The following CSMD1 variants were observed in gnomAD, a reference collection of about 807,000 sequenced individuals.
The protein encoded by CSMD1 is CUB and Sushi multiple domains 1, also known as CUB and sushi domain-containing protein 1.
Under a neutral mutation model 417.5 loss-of-function variants are expected in CSMD1, and 213 were observed. The observed-to-expected ratio is 0.51, with a 90% CI of 0.46 to 0.57. CSMD1 has a LOEUF of 0.57. Among genes scored for constraint, CSMD1 ranks in the 20% least tolerant of loss-of-function variants. The probability of loss-of-function intolerance (pLI) is 0.00; values close to 1 mark genes in which losing one functional copy is unlikely to be tolerated. For missense variants in CSMD1, 6,923 were observed against 4,529.7 expected (o/e 1.53, Z -15.17); for synonymous variants, 2,862 against 1,736.8 (o/e 1.65, Z -16.11).
chr8:3,261,365 A>C (rs573487137), intron 26 of CSMD1, among the ~76,000 whole-genome samples: 1 of 152,288 alleles, frequency 6.6e-6, no homozygotes, highest in East Asian at 1.9e-4. Flanking sequence ...ATCTCAGAGA[A>C]ATAGAAACTT....
chr8:3,944,466 C>A (rs889764631), intron 5 of CSMD1, among the ~76,000 whole-genome samples: 2 of 151,686 alleles, frequency 1.3e-5, no homozygotes, highest in Non-Finnish European at 2.9e-5. Flanking sequence ...GGTTTTTTTT[C>A]CCTGAAAGTT....
chr8:3,782,806 A>T (rs1226511828), intron 5 of CSMD1, among the ~76,000 whole-genome samples: 2 of 152,234 alleles, frequency 1.3e-5, no homozygotes, highest in Non-Finnish European at 2.9e-5. Context: ...AAATGATTTT[A>T]TAAGAGGTTT....
intron 7 of CSMD1, among the ~76,000 whole-genome samples, chr8:3,702,800 G>A (rs1474542329): frequency 6.6e-6 from 1 of 152,214 alleles, no homozygotes; most frequent in East Asian, 1.9e-4. Context: ...CCACACTCCA[G>A]CCTGGGTGAC....
At chr8:3,669,954 T>C (rs1798902250) in intron 7 of CSMD1, among the ~76,000 whole-genome samples, 1 of 152,196 alleles carries the variant, frequency 6.6e-6, no homozygotes, top group East Asian at 1.9e-4. Flanking sequence ...CACCCAAGGA[T>C]ATAATTTATA....
At chr8:3,572,166 C>A (rs1341352204) in intron 10 of CSMD1, among the ~76,000 whole-genome samples, 2 of 152,154 alleles carry the variant, frequency 1.3e-5, no homozygotes, top group Non-Finnish European at 2.9e-5. Context: ...ATTACAGGGG[C>A]GCATTCGAGC....
At chr8:4,091,230 T>A (rs1391257568) in intron 3 of CSMD1, among the ~76,000 whole-genome samples, 1 of 152,086 alleles carries the variant, frequency 6.6e-6, no homozygotes, top group African/African-American at 2.4e-5. Flanking sequence ...AAAGCAGTCT[T>A]AAAGGTGAAT....
At chr8:4,454,287 G>C (rs1396425879) in intron 2 of CSMD1, among the ~76,000 whole-genome samples, 1 of 152,136 alleles carries the variant, frequency 6.6e-6, no homozygotes, top group African/African-American at 2.4e-5. Context: ...CCTGACTTCG[G>C]TGGACACCAG....
intron 2 of CSMD1, among the ~76,000 whole-genome samples, chr8:4,434,783 C>G (rs28650794): frequency 6.6e-6 from 1 of 152,124 alleles, no homozygotes; most frequent in African/African-American, 2.4e-5. Flanking sequence ...TTTCCACACT[C>G]CAGACCCTGC....
chr8:4,331,206 A>G (rs947234740), intron 3 of CSMD1, among the ~76,000 whole-genome samples: 2 of 152,210 alleles, frequency 1.3e-5, no homozygotes, highest in African/African-American at 4.8e-5. Context: ...ATAGTTGACA[A>G]GATTACTGCC....
At chr8:3,286,760 C>T (rs533555677) in intron 25 of CSMD1, among the ~76,000 whole-genome samples, 7 of 151,958 alleles carry the variant, frequency 4.6e-5, no homozygotes, top group Non-Finnish European at 8.8e-5. Flanking sequence ...AAATTTTCTC[C>T]CATTCTGTAG....
intron 26 of CSMD1, chr8:3,278,408 C>T (rs1433028871): frequency 6.6e-6 from 1 of 152,164 alleles, no homozygotes; most frequent in Non-Finnish European, 1.5e-5. Flanking sequence ...GCTTATTTCA[C>T]ATGTTACTGA....
At chr8:4,202,131 T>G (rs1799691249) in intron 3 of CSMD1, among the ~76,000 whole-genome samples, 1 of 152,122 alleles carries the variant, frequency 6.6e-6, no homozygotes, top group Non-Finnish European at 1.5e-5. Context: ...AGAAAACATC[T>G]TTCAATCAGC....
rs556341200 is a variant in CSMD1 at position 3,444,511 on chromosome 8, T to C, written c.1561+24201A>G. 2.6e-4 allele frequency among the ~76,000 whole-genome samples: 40 copies of C among 152,230 alleles called. 1 individual carries two copies. The highest frequency in any genetic ancestry group is 3.4e-3 in the Middle Eastern group (1 of 294). On this transcript the variant is annotated intron_variant, in intron 12 of 69. Coordinates refer to ENST00000635120, the MANE Select transcript of CSMD1 (RefSeq NM_033225.6). Reference sequence around the variant, plus strand: ...TTTGCTACCATCTTCTCTCCCCTCATTGGGACATTTGGCAATGTCTGGAGG... The same window carrying C: ...TTTGCTACCATCTTCTCTCCCCTCACTGGGACATTTGGCAATGTCTGGAGG...
At chr8:3,294,725 C>T (rs909774650) in intron 25 of CSMD1, among the ~76,000 whole-genome samples, 2 of 152,138 alleles carry the variant, frequency 1.3e-5, no homozygotes, top group South Asian at 2.1e-4. Context: ...CATCTGTCAC[C>T]CCTTTCTTTG....
intron 54 of CSMD1, among the ~76,000 whole-genome samples, chr8:2,983,850 A>T (rs1363988864): frequency 6.6e-6 from 1 of 152,226 alleles, no homozygotes; most frequent in Non-Finnish European, 1.5e-5. Context: ...TTAGTTTTTA[A>T]ATTTCAATAT....
intron 3 of CSMD1, among the ~76,000 whole-genome samples, chr8:4,185,836 C>G (rs1351229121): frequency 2.0e-5 from 3 of 152,152 alleles, no homozygotes; most frequent in Non-Finnish European, 4.4e-5. Flanking sequence ...CCTGCATAAG[C>G]ATGCAATGAA....
chr8:4,232,808 C>A (rs564628071), intron 3 of CSMD1, among the ~76,000 whole-genome samples: 3 of 152,072 alleles, frequency 2.0e-5, no homozygotes, highest in African/African-American at 4.8e-5. Flanking sequence ...TCAGGTGCCT[C>A]GAAATCTAAA....
At chr8:3,065,617 G>GATGATAGGAAGATAGAAAGATAGGAAA (rs2128995941) in intron 49 of CSMD1, among the ~76,000 whole-genome samples, 1 of 152,144 alleles carries the variant, frequency 6.6e-6, no homozygotes, top group South Asian at 2.1e-4. Context: ...AAGATAGGAA[G>GATGATAGGAAGATAGAAAGATAGGAAA]ATGATAGGAA....
At chr8:3,765,927 G>A (rs1798242430) in intron 5 of CSMD1, among the ~76,000 whole-genome samples, 1 of 152,222 alleles carries the variant, frequency 6.6e-6, no homozygotes, top group South Asian at 2.1e-4. Flanking sequence ...CTTGAGAGAA[G>A]GCTGTAAAAA....
Sources: gnomAD v4.1 joint callset for allele counts (sites outside exome capture counted in the v4.1 genomes callset) on GRCh38, gnomAD v4.1.1 for gene constraint, MANE v1.5 for transcripts, NCBI Gene and HGNC (gene_info 2026-07-23, HGNC 2026-07-21) for gene names.